Variants in LRMDA observed in about 807,000 individuals in gnomAD.
LRMDA encodes the protein leucine-rich melanocyte differentiation-associated protein.
LRMDA carries 18 observed loss-of-function variants against 29.8 expected under a neutral mutation model. The observed-to-expected ratio is 0.60, with a 90% CI of 0.42 to 0.90. The LOEUF (loss-of-function observed/expected upper bound fraction) is 0.90. Among genes scored for constraint, LRMDA ranks in the 40% least tolerant of loss-of-function variants. The probability of loss-of-function intolerance (pLI) is 0.00; values close to 1 mark genes in which losing one functional copy is unlikely to be tolerated. For synonymous variants in LRMDA, 125 were observed against 109.4 expected, an observed-to-expected ratio of 1.14 and a Z score of -0.89; for missense variants, 273 against 273.9, an observed-to-expected ratio of 1.00 and a Z score of 0.02.
intron 5 of LRMDA, among the ~76,000 whole-genome samples, chr10:76,269,517 G>A (rs1169888109): frequency 6.6e-6 from 1 of 152,078 alleles, no homozygotes; most frequent in Non-Finnish European, 1.5e-5. Context: ...ATGATATATT[G>A]AGATGGAAGA....
At chr10:75,802,175 A>G (rs1843759718) in intron 2 of LRMDA, among the ~76,000 whole-genome samples, 1 of 152,120 alleles carries the variant, frequency 6.6e-6, no homozygotes, top group Non-Finnish European at 1.5e-5. Flanking sequence ...AAAATTAGCC[A>G]CATATGGTGG....
At chr10:75,481,730 C>T (rs1028621958) in intron 2 of LRMDA, among the ~76,000 whole-genome samples, 1 of 152,190 alleles carries the variant, frequency 6.6e-6, no homozygotes, top group Non-Finnish European at 1.5e-5. Flanking sequence ...AACTCTTTGA[C>T]ATGGTTCTGC....
In LRMDA at chr10:76,182,605, C is replaced by CT. The variant is rs537247468; in HGVS notation, c.516+123823dup. Among the ~76,000 whole-genome samples, 118 of 152,192 alleles carry CT rather than the reference C, an allele frequency of 7.8e-4. 5 individuals carry two copies. In the East Asian group the frequency reaches 0.021, roughly 26 times the overall value. On this transcript the variant is annotated intron_variant, in intron 5 of 6. Transcript: ENST00000611255. Reference sequence around the variant, plus strand: ...CCATGGAAAATCCTGATTTTGAGTTCTCTTATCTCTCAGATTTTATAGTGT... The same window carrying CT: ...CCATGGAAAATCCTGATTTTGAGTTCTTCTTATCTCTCAGATTTTATAGTGT...
chr10:76,359,174 T>C (rs1057453814), intron 6 of LRMDA, among the ~76,000 whole-genome samples: 6 of 152,170 alleles, frequency 3.9e-5, no homozygotes, highest in African/African-American at 7.2e-5. Context: ...GCAGAGAACA[T>C]TGGAGCCTCA....
intron 2 of LRMDA, among the ~76,000 whole-genome samples, chr10:75,510,179 T>G (rs1238644688): frequency 6.6e-6 from 1 of 152,190 alleles, no homozygotes; most frequent in Non-Finnish European, 1.5e-5. Context: ...CTTGGGTACT[T>G]GGTGCTTGCT....
chr10:75,593,293 G>A (rs1277632126), intron 2 of LRMDA, among the ~76,000 whole-genome samples: 3 of 152,066 alleles, frequency 2.0e-5, no homozygotes, highest in African/African-American at 4.8e-5. Context: ...ATGCTGCTCC[G>A]AAAAAGAGGT....
intron 2 of LRMDA, among the ~76,000 whole-genome samples, chr10:75,689,947 G>C (rs1207389682): frequency 6.6e-6 from 1 of 151,048 alleles, no homozygotes; most frequent in Non-Finnish European, 1.5e-5. Context: ...GGTGGCTTTG[G>C]TTGTAAATTT....
intron 6 of LRMDA, among the ~76,000 whole-genome samples, chr10:76,554,654 C>T (rs114296611): frequency 5.7e-4 from 87 of 152,274 alleles, no homozygotes; most frequent in African/African-American, 2.1e-3. Context: ...TTATCAATGC[C>T]AGCCAGAAAG....
intron 2 of LRMDA, among the ~76,000 whole-genome samples, chr10:75,967,972 A>C (rs1312948990): frequency 6.6e-6 from 1 of 152,118 alleles, no homozygotes; most frequent in Non-Finnish European, 1.5e-5. Flanking sequence ...CCTCCTGCTA[A>C]CTCTGTGGGT....
chr10:76,297,687 G>C (rs1012257322), intron 5 of LRMDA, among the ~76,000 whole-genome samples: 9 of 152,142 alleles, frequency 5.9e-5, no homozygotes, highest in African/African-American at 2.2e-4. Context: ...AGCTGGTTTG[G>C]ACTGAAACCT....
chr10:75,689,495 T>A (rs1395479680), intron 2 of LRMDA, among the ~76,000 whole-genome samples: 1 of 152,162 alleles, frequency 6.6e-6, no homozygotes, highest in African/African-American at 2.4e-5. Context: ...CTGAAATACT[T>A]GTCCCACAAT....
chr10:75,441,244 C>CCTCT (rs1409334602), intron 2 of LRMDA, among the ~76,000 whole-genome samples: 1 of 152,108 alleles, frequency 6.6e-6, no homozygotes, highest in Admixed American at 6.5e-5. Flanking sequence ...TACCTAGGCC[C>CCTCT]CTCTGCCCCT....
At chr10:76,491,399 GAA>G (rs1324704035) in intron 6 of LRMDA, among the ~76,000 whole-genome samples, 1 of 151,898 alleles carries the variant, frequency 6.6e-6, no homozygotes, top group Non-Finnish European at 1.5e-5. Context: ...GTTTGTTTTG[GAA>G]AGTCTTCAAT....
At chr10:75,854,013 C>T (rs1305165594) in intron 2 of LRMDA, among the ~76,000 whole-genome samples, 1 of 152,144 alleles carries the variant, frequency 6.6e-6, no homozygotes, top group East Asian at 1.9e-4. Flanking sequence ...GCATTCCTTG[C>T]CTGGCAGCTG....
chr10:76,057,598 A>G (rs1007825577), intron 4 of LRMDA, among the ~76,000 whole-genome samples: 4 of 152,222 alleles, frequency 2.6e-5, no homozygotes. Flanking sequence ...GAAAGCAATG[A>G]AGGGTGGAGG....
chr10:75,820,560 G>T (rs559480566), intron 2 of LRMDA, among the ~76,000 whole-genome samples: 1 of 152,212 alleles, frequency 6.6e-6, no homozygotes, highest in Non-Finnish European at 1.5e-5. Flanking sequence ...AACATAGAAA[G>T]ATCTCAAATT....
intron 3 of LRMDA, among the ~76,000 whole-genome samples, chr10:76,043,295 G>C (rs1451768816): frequency 1.3e-5 from 2 of 152,168 alleles, no homozygotes; most frequent in Admixed American, 6.5e-5. Context: ...ATGGTGGATA[G>C]TAAGAGTATT....
At chr10:75,883,992 A>G (rs1269766298) in intron 2 of LRMDA, among the ~76,000 whole-genome samples, 1 of 151,956 alleles carries the variant, frequency 6.6e-6, no homozygotes, top group African/African-American at 2.4e-5. Flanking sequence ...TCGGAGGCAT[A>G]AGGAGGGGTT....
intron 5 of LRMDA, among the ~76,000 whole-genome samples, chr10:76,123,839 C>T (rs1849831554): frequency 6.6e-6 from 1 of 152,210 alleles, no homozygotes; most frequent in Non-Finnish European, 1.5e-5. Context: ...GTATCTCAAA[C>T]TCTGTGCCAT....
Sources: allele counts gnomAD v4.1 joint callset (sites outside exome capture counted in the v4.1 genomes callset), GRCh38; gene constraint gnomAD v4.1.1; transcripts MANE v1.5; gene names NCBI Gene and HGNC (gene_info 2026-07-23, HGNC 2026-07-21).